The following PDE10A variants were observed in gnomAD, a reference collection of about 807,000 sequenced individuals.
PDE10A encodes phosphodiesterase 10A.
A neutral mutation model predicts 97.7 loss-of-function variants in PDE10A; 39 were observed. The observed-to-expected ratio is 0.40, with a 90% confidence interval of 0.31 to 0.52. The LOEUF (loss-of-function observed/expected upper bound fraction) is 0.52. PDE10A is among the 20% of genes least tolerant of loss of function. The probability of loss-of-function intolerance (pLI) is 0.56; values close to 1 mark genes in which losing one functional copy is unlikely to be tolerated. For synonymous variants in PDE10A, 371 were observed against 376.8 expected, an observed-to-expected ratio of 0.98 and a Z score of 0.18; for missense variants, 731 against 1,047.8, an observed-to-expected ratio of 0.70 and a Z score of 4.17.
At chr6:165,930,813 G>A (rs758123421) in intron 1 of PDE10A, among the ~76,000 whole-genome samples, 7 of 152,214 alleles carry the variant, frequency 4.6e-5, no homozygotes, top group Admixed American at 6.5e-5. Context: ...CTGGAGCTGC[G>A]GGGAAGGCTC....
intron 1 of PDE10A, among the ~76,000 whole-genome samples, chr6:165,658,581 G>A (rs371161274): frequency 6.6e-5 from 10 of 152,176 alleles, no homozygotes; most frequent in African/African-American, 2.4e-4. Context: ...CCCTGCAGCC[G>A]TGTTACATCA....
intron 1 of PDE10A, among the ~76,000 whole-genome samples, chr6:165,884,021 C>T (rs1225910272): frequency 6.6e-6 from 1 of 152,094 alleles, no homozygotes; most frequent in Non-Finnish European, 1.5e-5. Flanking sequence ...TGCCTGAAGC[C>T]ATCCTCCTAC....
At chr6:165,358,793 T>C (rs993108047) in intron 18 of PDE10A, among the ~76,000 whole-genome samples, 2 of 151,982 alleles carry the variant, frequency 1.3e-5, no homozygotes, top group African/African-American at 2.4e-5. Flanking sequence ...AATGTACTTT[T>C]ACTATTCAAT....
chr6:165,706,231 G>C (rs1042032074), intron 1 of PDE10A, among the ~76,000 whole-genome samples: 8 of 152,220 alleles, frequency 5.3e-5, no homozygotes, highest in Non-Finnish European at 8.8e-5. Flanking sequence ...GAATATTTCA[G>C]TGATGTTACT....
chr6:165,846,759 G>C (rs898088735), intron 1 of PDE10A, among the ~76,000 whole-genome samples: 3 of 152,210 alleles, frequency 2.0e-5, no homozygotes, highest in Admixed American at 2.0e-4. Flanking sequence ...TGAGAAGTGA[G>C]AGCCGCAAGC....
At chr6:165,961,565 C>A (rs766352217) in intron 1 of PDE10A, among the ~76,000 whole-genome samples, 1 of 152,234 alleles carries the variant, frequency 6.6e-6, no homozygotes, top group Admixed American at 6.5e-5. Flanking sequence ...AACCAACAAG[C>A]CTCCACTTAC....
intron 1 of PDE10A, among the ~76,000 whole-genome samples, chr6:165,566,247 C>T (rs1247248266): frequency 6.6e-6 from 1 of 152,062 alleles, no homozygotes; most frequent in Non-Finnish European, 1.5e-5. Context: ...AAACAAACAA[C>T]CTGATTATTA....
chr6:165,712,670 C>T (rs1284693258), intron 1 of PDE10A, among the ~76,000 whole-genome samples: 2 of 122,854 alleles, frequency 1.6e-5, no homozygotes, highest in African/African-American at 3.2e-5. Context: ...GGTGGAGTCT[C>T]GCTCTGTCGC....
chr6:165,973,615 A>C (rs923468206), intron 1 of PDE10A, among the ~76,000 whole-genome samples: 5 of 151,952 alleles, frequency 3.3e-5, no homozygotes, highest in African/African-American at 7.3e-5. Context: ...TGTTCCTGGC[A>C]GTCTGAAGAT....
chr6:165,443,111 CA>C (rs149435215), intron 5 of PDE10A, among the ~76,000 whole-genome samples: 941 of 60,378 alleles, frequency 0.016, 2 homozygotes, highest in Middle Eastern at 0.043. Context: ...GGCTCTGTCT[CA>C]AAAAAAAAAA....
At position 165,828,829 on chromosome 6, in the gene PDE10A, C is replaced by A. The variant is rs184346421; in HGVS notation, c.-615+158700G>T. Among the ~76,000 whole-genome samples the A allele has an allele frequency of 5.1e-4, 78 of 152,306 alleles. 1 individual carries two copies. Among genetic ancestry groups the A allele is most frequent in the African/African-American group, 1.8e-3 (76 of 41,552 alleles). ...TTCTGTTCTCTTCCTGCCCTCAAAC[C>A]TCTCCTGACTTGTTCTTGCCTGGTA... On this transcript the variant is annotated intron_variant, in intron 1 of 19. Coordinates refer to the PDE10A transcript ENST00000366882.
chr6:165,372,585 A>G (rs1221759883), intron 18 of PDE10A, among the ~76,000 whole-genome samples: 1 of 151,070 alleles, frequency 6.6e-6, no homozygotes, highest in Non-Finnish European at 1.5e-5. Flanking sequence ...AAGAGGATAC[A>G]CACAAATGGA....
At chr6:165,654,551 G>A (rs997382032) in intron 1 of PDE10A, among the ~76,000 whole-genome samples, 2 of 143,792 alleles carry the variant, frequency 1.4e-5, no homozygotes, top group African/African-American at 3.0e-5. Flanking sequence ...GCCATCTCAC[G>A]TCCCCACATT....
At chr6:165,982,256 A>G (rs1410029586) in intron 1 of PDE10A, among the ~76,000 whole-genome samples, 1 of 152,214 alleles carries the variant, frequency 6.6e-6, no homozygotes, top group East Asian at 1.9e-4. Context: ...ATTCAGTCCC[A>G]GAGTCTCCCC....
At chr6:165,420,144 G>A (rs541780355) in intron 10 of PDE10A, among the ~76,000 whole-genome samples, 1 of 152,270 alleles carries the variant, frequency 6.6e-6, no homozygotes, top group African/African-American at 2.4e-5. Context: ...CAAATGCTCA[G>A]AACAAGGCTG....
intron 1 of PDE10A, among the ~76,000 whole-genome samples, chr6:165,815,755 A>G (rs75539537): frequency 0.013 from 1,929 of 152,166 alleles, 47 homozygotes; most frequent in African/African-American, 0.044. Context: ...GTCATGGACT[A>G]TTGGAAGTAC....
intron 1 of PDE10A, among the ~76,000 whole-genome samples, chr6:165,723,871 T>TG (rs1792226866): frequency 6.6e-6 from 1 of 152,008 alleles, no homozygotes; most frequent in Non-Finnish European, 1.5e-5. Context: ...AATTTTCCCT[T>TG]GGGGGTCAGT....
intron 1 of PDE10A, among the ~76,000 whole-genome samples, chr6:165,792,838 T>A (rs985747914): frequency 6.6e-6 from 1 of 152,214 alleles, no homozygotes. Context: ...TAGATTTTAC[T>A]GACAAATACA....
chr6:165,970,530 AT>A (rs2128500819), intron 1 of PDE10A, among the ~76,000 whole-genome samples: 1 of 152,330 alleles, frequency 6.6e-6, no homozygotes, highest in Admixed American at 6.5e-5. Flanking sequence ...TAAAATATCC[AT>A]AACAGTTATC....
Sources: allele counts gnomAD v4.1 joint callset (sites outside exome capture counted in the v4.1 genomes callset), GRCh38; gene constraint gnomAD v4.1.1; transcripts MANE v1.5; gene names NCBI Gene and HGNC (gene_info 2026-07-23, HGNC 2026-07-21).